Variants in CEP95 observed in about 807,000 individuals in gnomAD.
The protein encoded by CEP95 is centrosomal protein 95.
In CEP95, 98 loss-of-function variants were observed where a neutral mutation model predicts 111.2. The observed-to-expected ratio is 0.88, with a 90% confidence interval of 0.75 to 1.04. The LOEUF (loss-of-function observed/expected upper bound fraction) is 1.04. Among genes scored for constraint, CEP95 ranks in the 50% least tolerant of loss-of-function variants. The pLI is 0.00. For missense variants in CEP95, 1,027 were observed against 977.2 expected (o/e 1.05, Z -0.68); for synonymous variants, 323 against 327.1 (o/e 0.99, Z 0.14).
chr17:64,518,936 C>T (rs1380446882), intron 5 of CEP95, among the ~76,000 whole-genome samples: 1 of 152,168 alleles, frequency 6.6e-6, no homozygotes. Flanking sequence ...CTATGTCTGC[C>T]TCCCAAAGTG....
At chr17:64,517,200 C>T (rs1376274123) in intron 5 of CEP95, among the ~76,000 whole-genome samples, 1 of 152,114 alleles carries the variant, frequency 6.6e-6, no homozygotes, top group East Asian at 1.9e-4. Flanking sequence ...GCACGCGCCA[C>T]CATGCCCGGC....
At chr17:64,508,092 T>C in intron 1 of CEP95, 1 of 985,458 alleles carries the variant, frequency 1.0e-6, no homozygotes, top group Non-Finnish European at 1.2e-6. Context: ...CTTAACAGCC[T>C]AAGTTTAATC....
chr17:64,537,116 A>G lies in CEP95; in HGVS notation c.2289+4A>G, dbSNP rs906522935. 3 of 1,610,614 alleles carry G rather than the reference A, an allele frequency of 1.9e-6. No individual in the cohort carries two copies. The highest frequency in any genetic ancestry group is 2.5e-6 in the Non-Finnish European group (3 of 1,178,364). On this transcript the variant is annotated splice_donor_region_variant and intron_variant, in intron 19 of 19. Coordinates refer to ENST00000556440, the MANE Select transcript of CEP95 (RefSeq NM_138363.3). ...CAGAGAGAAATCTCAGGCCCAGGTAATAATTAAGATAGAAGCCAAGTCATG... is the reference window on the plus strand; with the variant it reads ...CAGAGAGAAATCTCAGGCCCAGGTAGTAATTAAGATAGAAGCCAAGTCATG...
intron 16 of CEP95, among the ~76,000 whole-genome samples, 192 bp downstream of exon 16, chr17:64,533,383 AG>A (rs1486590388): frequency 1.3e-5 from 2 of 152,222 alleles, no homozygotes; most frequent in Middle Eastern, 3.4e-3. Context: ...CTGAGGTGAG[AG>A]GATCACTTGA....
At chr17:64,536,807 G>A in intron 18 of CEP95, 59 bp downstream of exon 18, 1 of 1,536,408 alleles carries the variant, frequency 6.5e-7, no homozygotes, top group Non-Finnish European at 8.8e-7. Flanking sequence ...TGCCCTTGTG[G>A]CAAAACTTGC....
At position 64,527,267 on chromosome 17, in the gene CEP95, A is replaced by G. The variant is rs782322686; in HGVS notation, c.1306+3A>G. ...TGGGCCAAAGAAGTCAAGGCCAGGT[A>G]CTTACCCCAGAGAGACTGAGAAGGG... On this transcript the variant is annotated splice_donor_region_variant and intron_variant, in intron 11 of 19. Transcript: ENST00000556440. 3 of 1,606,744 alleles carry G rather than the reference A, an allele frequency of 1.9e-6. No individual in the cohort carries two copies. The highest frequency in any genetic ancestry group is 2.2e-5 in the East Asian group (1 of 44,648).
chr17:64,512,660 T>G (rs1555675425), intron 3 of CEP95, among the ~76,000 whole-genome samples: 1 of 152,182 alleles, frequency 6.6e-6, no homozygotes, highest in African/African-American at 2.4e-5. Context: ...AAGTCCTGAT[T>G]TACATCTCTT....
chr17:64,523,388 C>T (rs978724818), intron 8 of CEP95, among the ~76,000 whole-genome samples: 3 of 151,832 alleles, frequency 2.0e-5, no homozygotes, highest in Non-Finnish European at 4.4e-5. Flanking sequence ...ATATTGTGTC[C>T]GTAATTTAAT....
At chr17:64,507,494 C>G (rs1020457288) in intron 1 of CEP95, 4 of 1,201,468 alleles carry the variant, frequency 3.3e-6, no homozygotes, top group Non-Finnish European at 4.2e-6. Context: ...TTGTATTGGT[C>G]TTTAAAGGAA....
intron 18 of CEP95, 25 bp from the exon 19 acceptor site, chr17:64,537,012 ATATT>A (rs1968701797): frequency 6.4e-7 from 1 of 1,570,228 alleles, no homozygotes; most frequent in Non-Finnish European, 8.7e-7. Context: ...ATTAAATATA[ATATT>A]TGTTTTTTTT....
In CEP95 at chr17:64,533,160, T is replaced by G. The variant is rs782406587; in HGVS notation, c.1886T>G (p.Val629Gly). The change falls in exon 16 of 20, where the codon GTC becomes GGC. Residue 629 changes from valine to glycine, a missense_variant. Coordinates refer to ENST00000556440, the MANE Select transcript of CEP95 (RefSeq NM_138363.3). ...AGGCATGACCTCCTTACTACCCTTG[T>G]CAAGAAAGAATATGAACATAACAAG... ...LRRHDLLTTL[V>G]KKEYEHNKRL... 1 of 1,590,892 alleles carries G rather than the reference T, an allele frequency of 6.3e-7. No individual in the cohort carries two copies. Among genetic ancestry groups the G allele is most frequent in the South Asian group, 1.2e-5 (1 of 86,758 alleles).
chr17:64,516,474 A>G (rs1338400980), intron 4 of CEP95, among the ~76,000 whole-genome samples: 1 of 152,238 alleles, frequency 6.6e-6, no homozygotes, highest in Non-Finnish European at 1.5e-5. Context: ...CCACTGACTT[A>G]AAAAATAAAA....
At chr17:64,516,544 C>A (rs559882646) in intron 4 of CEP95, among the ~76,000 whole-genome samples, 179 bp from the exon 5 acceptor site, 1 of 152,256 alleles carries the variant, frequency 6.6e-6, no homozygotes, top group East Asian at 1.9e-4. Flanking sequence ...CTTTGTTACT[C>A]GAATAATACA....
intron 3 of CEP95, 118 bp downstream of exon 3, chr17:64,510,398 A>G (rs2038830094): frequency 5.9e-6 from 4 of 673,198 alleles, no homozygotes; most frequent in Non-Finnish European, 1.1e-5. Context: ...AAATTGTAAG[A>G]TTGAGCTAAG....
At chr17:64,527,895 CACACA>C (rs1967980669) in intron 11 of CEP95, among the ~76,000 whole-genome samples, 1 of 146,540 alleles carries the variant, frequency 6.8e-6, no homozygotes, top group East Asian at 2.0e-4. Context: ...TATATATACA[CACACA>C]CACACACGCG....
rs548374799 is a variant in CEP95, at chr17:64,516,795, C to T, written c.440C>T (p.Ser147Phe). 6.2e-7 allele frequency: 1 copy of T among 1,609,964 alleles called. No homozygotes were observed. Among genetic ancestry groups the T allele is most frequent in the East Asian group, 2.2e-5 (1 of 44,804 alleles). ...RLEEPESTKE[S>F]KSSWKRVSFG... ...GAAGAGCCAGAAAGTACTAAAGAAT[C>T]TAAATCATCATGGAAAAGAGTTTCT... The change falls in exon 5 of 20, where the codon TCT (serine) becomes TTT (phenylalanine). Residue 147 changes from serine (S) to phenylalanine (F), a missense_variant. Coordinates refer to ENST00000556440, the MANE Select transcript of CEP95 (RefSeq NM_138363.3).
intron 8 of CEP95, 84 bp downstream of exon 8, chr17:64,522,979 C>A: frequency 9.5e-7 from 1 of 1,049,316 alleles, no homozygotes; most frequent in Non-Finnish European, 1.4e-6. Flanking sequence ...ATTAGAAGGC[C>A]GTGTGTGTGT....
intron 1 of CEP95, chr17:64,507,696 A>G (rs2038635960): frequency 1.0e-6 from 1 of 986,116 alleles, no homozygotes; most frequent in Non-Finnish European, 1.2e-6. Context: ...ACCAGTTGTC[A>G]TGGTTTGGCC....
rs554257740 is a variant in CEP95 at position 64,516,604 on chromosome 17, C to G, written c.368-119C>G. 8.0e-6 allele frequency: 4 copies of G among 501,172 alleles called. No homozygotes were observed. In the South Asian group the frequency reaches 1.7e-4, roughly 22 times the overall value. 31.0% of individuals were successfully genotyped at this position (501,172 alleles called of 1,614,324 possible). A position where few individuals can be genotyped will look rare whatever the true frequency, so the allele number is the denominator to read the frequency against. On this transcript the variant is annotated intron_variant, in intron 4 of 19. Transcript: ENST00000556440. Reference sequence around the variant, plus strand: ...TTTCTGATTGCACTTTCACTAGAACCCTGTTTACCATGGCAAGTTAGGGGT... The same window carrying G: ...TTTCTGATTGCACTTTCACTAGAACGCTGTTTACCATGGCAAGTTAGGGGT...
Sources: gnomAD v4.1 joint callset for allele counts (sites outside exome capture counted in the v4.1 genomes callset) on GRCh38, gnomAD v4.1.1 for gene constraint, MANE v1.5 for transcripts, NCBI Gene and HGNC (gene_info 2026-07-23, HGNC 2026-07-21) for gene names.